Variants in MAGI2 observed in about 807,000 individuals in gnomAD.
MAGI2 encodes membrane associated guanylate kinase, WW and PDZ domain containing 2.
MAGI2 carries 35 observed loss-of-function variants against 133.3 expected under a neutral mutation model. That is an observed-to-expected ratio of 0.26 (90% CI 0.20 to 0.35). The LOEUF (loss-of-function observed/expected upper bound fraction) is 0.35. Ranked by LOEUF, MAGI2 falls within the 10% of genes least tolerant of loss-of-function variation. The pLI, the probability that MAGI2 is intolerant of heterozygous loss-of-function variation, is 1.00. For missense variants in MAGI2, 1,636 were observed against 1,863.4 expected, an observed-to-expected ratio of 0.88 and a Z score of 2.25; for synonymous variants, 729 against 710.6, an observed-to-expected ratio of 1.03 and a Z score of -0.41.
chr7:79,098,583 G>T (rs1186329225), intron 1 of MAGI2, among the ~76,000 whole-genome samples: 2 of 152,150 alleles, frequency 1.3e-5, no homozygotes, highest in African/African-American at 2.4e-5. Flanking sequence ...GAGCTGGTTA[G>T]GCTACTTAAA....
chr7:79,229,633 A>T (rs908954847), intron 1 of MAGI2, among the ~76,000 whole-genome samples: 2 of 152,200 alleles, frequency 1.3e-5, no homozygotes, highest in Non-Finnish European at 2.9e-5. Flanking sequence ...TGTGTTTAGC[A>T]TAATTGACCA....
chr7:78,817,947 T>C (rs246465), intron 2 of MAGI2, among the ~76,000 whole-genome samples: 147,971 of 152,208 alleles, frequency 0.97, 71,953 homozygotes, highest in East Asian at 1. Flanking sequence ...TTTATACATA[T>C]TGGGAAACCA....
At chr7:78,532,367 A>C (rs1797542570) in intron 3 of MAGI2, among the ~76,000 whole-genome samples, 1 of 152,204 alleles carries the variant, frequency 6.6e-6, no homozygotes, top group Non-Finnish European at 1.5e-5. Context: ...GAAAACTGTC[A>C]TTTGACTGTA....
At chr7:78,870,521 T>C (rs1255922506) in intron 2 of MAGI2, among the ~76,000 whole-genome samples, 3 of 152,142 alleles carry the variant, frequency 2.0e-5, no homozygotes, top group Admixed American at 2.0e-4. Context: ...CCTGCAGGAA[T>C]GGCCATGATT....
At chr7:78,247,001 G>A (rs1033109690) in intron 10 of MAGI2, among the ~76,000 whole-genome samples, 2 of 152,164 alleles carry the variant, frequency 1.3e-5, no homozygotes, top group African/African-American at 2.4e-5. Flanking sequence ...ACAAGACCCA[G>A]TTGTTACAAT....
chr7:79,058,027 A>G (rs1813319814), intron 1 of MAGI2, among the ~76,000 whole-genome samples: 1 of 151,840 alleles, frequency 6.6e-6, no homozygotes, highest in Non-Finnish European at 1.5e-5. Flanking sequence ...GGTTTTTGAA[A>G]ATGTTAGCTC....
rs374636213 is a variant in MAGI2 at position 78,507,460 on chromosome 7, A to C, written c.755-5673T>G. On this transcript the variant is annotated intron_variant, in intron 4 of 21. Transcript: ENST00000354212. ...CCAAGAAGGTCCAGGTTCATCTTCC[A>C]AGTTGTGTCACTCAGATAAATCCCT... is the stretch of plus-strand genomic sequence containing the variant. Among the ~76,000 whole-genome samples, 14 of 152,284 alleles carry C rather than the reference A, an allele frequency of 9.2e-5. 1 individual carries two copies. Among genetic ancestry groups the C allele is most frequent in the African/African-American group, 3.4e-4 (14 of 41,560 alleles).
chr7:78,750,642 G>A (rs1194163244), intron 2 of MAGI2, among the ~76,000 whole-genome samples: 1 of 152,142 alleles, frequency 6.6e-6, no homozygotes, highest in Non-Finnish European at 1.5e-5. Context: ...AATACATTAG[G>A]AAGATAAACT....
rs185420564 is a variant in MAGI2 at position 78,288,322 on chromosome 7, G to A, written c.1409-31741C>T. ...ATCATACCTCCTTCTAAATTTAATC[G>A]CTTATTTGTATTTTCCCATTAAAAC... On this transcript the variant is annotated intron_variant, in intron 9 of 21. Transcript: ENST00000354212. Among the ~76,000 whole-genome samples the A allele has an allele frequency of 1.6e-3, 244 of 151,988 alleles. 2 individuals are homozygous for A. The highest frequency in any genetic ancestry group is 2.1e-3 in the Non-Finnish European group (146 of 67,966).
intron 1 of MAGI2, among the ~76,000 whole-genome samples, chr7:79,058,786 G>A (rs1813417256): frequency 6.6e-6 from 1 of 152,014 alleles, no homozygotes; most frequent in African/African-American, 2.4e-5. Context: ...GAATTGCAGT[G>A]GACCATTAGG....
rs149532325 is a variant in MAGI2 at position 78,482,568 on chromosome 7, A to G, written c.1045+7193T>C. On this transcript the variant is annotated intron_variant, in intron 6 of 21. Coordinates refer to ENST00000354212, the MANE Select transcript of MAGI2 (RefSeq NM_012301.4). ...ATGCCATAGCCTACTGGCATATTAT[A>G]CTGCAATAAAAAGTAGCAAACTATT... Among the ~76,000 whole-genome samples, 211 of 152,062 alleles carry G rather than the reference A, an allele frequency of 1.4e-3. 1 individual carries two copies. The highest frequency in any genetic ancestry group is 2.4e-3 in the Non-Finnish European group (165 of 67,908).
At chr7:78,569,125 AACACACAC>A (rs56351234) in intron 3 of MAGI2, among the ~76,000 whole-genome samples, 5 of 147,980 alleles carry the variant, frequency 3.4e-5, no homozygotes, top group Non-Finnish European at 6.1e-5. Flanking sequence ...TGTGCATGCC[AACACACAC>A]ACACACACAC....
intron 6 of MAGI2, among the ~76,000 whole-genome samples, chr7:78,410,585 G>C (rs1263294841): frequency 1.3e-5 from 2 of 151,942 alleles, no homozygotes; most frequent in African/African-American, 2.4e-5. Context: ...CACCTGCCTG[G>C]TATACAGTTG....
At chr7:78,326,876 C>G (rs183460479) in intron 9 of MAGI2, among the ~76,000 whole-genome samples, 34 of 152,280 alleles carry the variant, frequency 2.2e-4, no homozygotes, top group African/African-American at 6.7e-4. Context: ...CCCCTCCCTT[C>G]ATTCTTCAAG....
intron 2 of MAGI2, among the ~76,000 whole-genome samples, chr7:78,685,282 A>G (rs1816154686): frequency 1.3e-5 from 2 of 152,168 alleles, no homozygotes; most frequent in Admixed American, 1.3e-4. Context: ...AATGAGAATA[A>G]TTGATTTCTG....
chr7:78,210,483 T>C (rs1787664943), intron 10 of MAGI2, among the ~76,000 whole-genome samples: 1 of 152,166 alleles, frequency 6.6e-6, no homozygotes, highest in Admixed American at 6.5e-5. Context: ...AGAGGCTTGT[T>C]TGAGTGGAGT....
chr7:78,439,377 CCTAA>C (rs55752753), intron 6 of MAGI2, among the ~76,000 whole-genome samples: 59,199 of 151,628 alleles, frequency 0.39, 14,268 homozygotes, highest in Non-Finnish European at 0.54. Flanking sequence ...AATTACAGTG[CCTAA>C]CTGTGTAAAT....
chr7:78,669,080 C>G (rs1319234454), intron 2 of MAGI2, among the ~76,000 whole-genome samples: 1 of 152,046 alleles, frequency 6.6e-6, no homozygotes, highest in African/African-American at 2.4e-5. Context: ...CCGAGCAGAA[C>G]TGAAGCAAAT....
chr7:79,019,606 G>T (rs1403389850), intron 1 of MAGI2, among the ~76,000 whole-genome samples: 1 of 151,778 alleles, frequency 6.6e-6, no homozygotes, highest in Non-Finnish European at 1.5e-5. Flanking sequence ...GAGTGCAGTG[G>T]TGATCTCAGC....
Sources: gnomAD v4.1 joint callset for allele counts (sites outside exome capture counted in the v4.1 genomes callset) on GRCh38, gnomAD v4.1.1 for gene constraint, MANE v1.5 for transcripts, NCBI Gene and HGNC (gene_info 2026-07-23, HGNC 2026-07-21) for gene names.